The following BMAL1 variants were observed in gnomAD, a reference collection of about 807,000 sequenced individuals.
BMAL1 encodes basic helix-loop-helix ARNT-like protein 1.
chr11:13,385,361 A>T, the BMAL1 span, among the ~76,000 whole-genome samples: 1 of 152,204 alleles, frequency 6.6e-6, no homozygotes, highest in Admixed American at 6.5e-5. Flanking sequence ...TATAGGGGAA[A>T]CGTCTAGCTG....
chr11:13,289,119 T>C, the BMAL1 span, among the ~76,000 whole-genome samples: 1 of 152,224 alleles, frequency 6.6e-6, no homozygotes, highest in African/African-American at 2.4e-5. Context: ...TAACAATTCC[T>C]GTTGAGCCCT....
chr11:13,303,898 G>C, the BMAL1 span, among the ~76,000 whole-genome samples: 4 of 152,182 alleles, frequency 2.6e-5, no homozygotes, highest in African/African-American at 9.7e-5. Context: ...GGCATGGTGT[G>C]TTGCAGCGAG....
At chr11:13,288,971 C>G in the BMAL1 span, among the ~76,000 whole-genome samples, 7 of 151,986 alleles carry the variant, frequency 4.6e-5, no homozygotes, top group South Asian at 1.4e-3. Context: ...CAAATGCCCA[C>G]ATTTTCTGGA....
chr11:13,368,910 T>A, the BMAL1 span, among the ~76,000 whole-genome samples: 2 of 152,276 alleles, frequency 1.3e-5, no homozygotes, highest in African/African-American at 4.8e-5. Context: ...GTAATAATTA[T>A]AAACAACTAA....
the BMAL1 span, among the ~76,000 whole-genome samples, chr11:13,281,915 G>C: frequency 6.6e-6 from 1 of 152,206 alleles, no homozygotes; most frequent in Non-Finnish European, 1.5e-5. Context: ...CCCCTGTAAA[G>C]ATAAATGTCT....
the BMAL1 span, among the ~76,000 whole-genome samples, chr11:13,293,805 G>C: frequency 3.3e-5 from 5 of 152,336 alleles, 1 homozygote; most frequent in East Asian, 9.6e-4. Flanking sequence ...CAGAAGTGGA[G>C]GTATAGCCCA....
chr11:13,299,929 G>T, the BMAL1 span, among the ~76,000 whole-genome samples: 1 of 152,194 alleles, frequency 6.6e-6, no homozygotes, highest in Admixed American at 6.5e-5. Flanking sequence ...CACTGGAGAG[G>T]ACCAAGCTTG....
the BMAL1 span, chr11:13,381,353 C>T: frequency 3.6e-6 from 4 of 1,122,246 alleles, no homozygotes; most frequent in South Asian, 5.1e-5. Context: ...ATTGCTGAAA[C>T]AATTTGGACT....
chr11:13,334,833 C>A, the BMAL1 span, among the ~76,000 whole-genome samples: 1 of 152,212 alleles, frequency 6.6e-6, no homozygotes, highest in Non-Finnish European at 1.5e-5. Flanking sequence ...GAAAGATGGC[C>A]CATGACTTCA....
the BMAL1 span, among the ~76,000 whole-genome samples, chr11:13,333,587 G>T: frequency 1.3e-5 from 2 of 152,324 alleles, no homozygotes; most frequent in African/African-American, 4.8e-5. Flanking sequence ...GGTCCAGTGG[G>T]CAGGGGCATA....
chr11:13,309,352 C>T, the BMAL1 span, among the ~76,000 whole-genome samples: 1 of 152,146 alleles, frequency 6.6e-6, no homozygotes, highest in Admixed American at 6.5e-5. Context: ...GCAGGCCCAG[C>T]ATCCTGGCTG....
the BMAL1 span, among the ~76,000 whole-genome samples, chr11:13,382,202 C>T: frequency 6.6e-6 from 1 of 152,142 alleles, no homozygotes; most frequent in Non-Finnish European, 1.5e-5. Context: ...CTTTTTTATA[C>T]AGGAATCTTC....
chr11:13,343,407 C>T, the BMAL1 span, among the ~76,000 whole-genome samples: 1,394 of 152,304 alleles, frequency 9.2e-3, 13 homozygotes, highest in Non-Finnish European at 0.014. Flanking sequence ...GTAATCTCCT[C>T]GATCTGCTTG....
chr11:13,308,504 G>C, the BMAL1 span, among the ~76,000 whole-genome samples: 1 of 152,184 alleles, frequency 6.6e-6, no homozygotes, highest in South Asian at 2.1e-4. Flanking sequence ...GACATAAGAG[G>C]TGGGGAGATG....
chr11:13,277,523 CG>C, the BMAL1 span: 2 of 152,200 alleles, frequency 1.3e-5, no homozygotes, highest in South Asian at 4.1e-4. Flanking sequence ...GCAGGTAAAC[CG>C]GCTCCCGCCG....
At chr11:13,340,608 G>A in the BMAL1 span, among the ~76,000 whole-genome samples, 1 of 152,054 alleles carries the variant, frequency 6.6e-6, no homozygotes, top group African/African-American at 2.4e-5. Flanking sequence ...CCACCCCCAG[G>A]ATACCTGTAG....
the BMAL1 span, among the ~76,000 whole-genome samples, chr11:13,348,573 C>T: frequency 7.6e-4 from 115 of 152,010 alleles, no homozygotes; most frequent in Admixed American, 2.1e-3. Flanking sequence ...TTCTGGGTTG[C>T]TAATTTGGGG....
At chr11:13,372,097 A>G in the BMAL1 span, 2 of 1,590,016 alleles carry the variant, frequency 1.3e-6, no homozygotes, top group African/African-American at 1.4e-5. Context: ...CCATCCCACC[A>G]TCGGCCGTGT....
chr11:13,366,333 G>C, the BMAL1 span, among the ~76,000 whole-genome samples: 3 of 152,214 alleles, frequency 2.0e-5, no homozygotes, highest in Non-Finnish European at 2.9e-5. Flanking sequence ...TGAGAACAGA[G>C]AGGCTGAACA....
Sources: gnomAD v4.1 joint callset for allele counts (sites outside exome capture counted in the v4.1 genomes callset) on GRCh38, gnomAD v4.1.1 for gene constraint, MANE v1.5 for transcripts, NCBI Gene and HGNC (gene_info 2026-07-23, HGNC 2026-07-21) for gene names.